TPTE2: variants seen among roughly 807,000 people sequenced by gnomAD.
TPTE2 encodes phosphatidylinositol 3,4,5-trisphosphate 3-phosphatase TPTE2.
Under a neutral mutation model 78.6 loss-of-function variants are expected in TPTE2, and 53 were observed. That is an observed-to-expected ratio of 0.67 (90% CI 0.54 to 0.85). The LOEUF is 0.85. TPTE2 is among the 40% of genes least tolerant of loss of function. The pLI, the probability that TPTE2 is intolerant of heterozygous loss-of-function variation, is 0.00. For missense variants in TPTE2, 461 were observed against 623.0 expected, an observed-to-expected ratio of 0.74 and a Z score of 2.77; for synonymous variants, 175 against 206.2, an observed-to-expected ratio of 0.85 and a Z score of 1.30.
chr13:19,536,980 T>C (rs543052700), upstream of TPTE2, among the ~76,000 whole-genome samples: 126 of 151,326 alleles, frequency 8.3e-4, 1 homozygote, highest in Non-Finnish European at 1.6e-3. Context: ...AATATAATTA[T>C]GTAATTCCAA....
chr13:19,447,886 C>T (rs548138564), intron 13 of TPTE2, among the ~76,000 whole-genome samples: 9 of 152,230 alleles, frequency 5.9e-5, no homozygotes, highest in Admixed American at 2.6e-4. Flanking sequence ...AAAATTCCAG[C>T]ATAATTTTTG....
At chr13:19,544,382 C>G in the TPTE2 span, among the ~76,000 whole-genome samples, 2 of 150,698 alleles carry the variant, frequency 1.3e-5, no homozygotes, top group African/African-American at 4.9e-5. Context: ...TCCAGGAGGT[C>G]AGAATGAATA....
chr13:19,540,280 C>CATT (rs141067657), upstream of TPTE2, among the ~76,000 whole-genome samples: 13,956 of 144,940 alleles, frequency 0.096, 783 homozygotes, highest in Non-Finnish European at 0.12. Context: ...AATTAAATCT[C>CATT]ATTATTATTA....
At chr13:19,504,871 T>A, upstream of TPTE2, among the ~76,000 whole-genome samples, 1 of 152,106 alleles carries the variant, frequency 6.6e-6, no homozygotes, top group Non-Finnish European at 1.5e-5. Flanking sequence ...TCTCTCCCTG[T>A]GTTTGTGTGT....
At chr13:19,541,206 A>C (rs1282740108), upstream of TPTE2, among the ~76,000 whole-genome samples, 1 of 152,200 alleles carries the variant, frequency 6.6e-6, no homozygotes, top group Non-Finnish European at 1.5e-5. Context: ...GCCTTCTTAC[A>C]ACATGATAGC....
chr13:19,430,527 C>CT lies in TPTE2; in HGVS notation c.1242dup (p.Val415SerfsTer24). The stretch of plus-strand genomic sequence containing the variant: ...ACCTTTTTCTCCATTACTACTTGGA[C>CT]TTTTAGATCACATACATCACCTGTT... On this transcript the variant is annotated frameshift_variant, in exon 17 of 20. Transcript: ENST00000400230. LOFTEE classifies it high-confidence loss of function. 1.2e-6 allele frequency: 2 copies of CT among 1,611,200 alleles called. No individual in the cohort carries two copies. The highest frequency in any genetic ancestry group is 1.7e-6 in the Non-Finnish European group (2 of 1,179,076).
intron 10 of TPTE2, among the ~76,000 whole-genome samples, chr13:19,453,071 A>G (rs1878295921): frequency 6.7e-6 from 1 of 150,268 alleles, no homozygotes; most frequent in South Asian, 2.1e-4. Flanking sequence ...CTTGTTGCCC[A>G]GGCTGGAGTG....
At chr13:19,498,161 T>A (rs1441979665) in intron 1 of TPTE2, among the ~76,000 whole-genome samples, 1 of 152,156 alleles carries the variant, frequency 6.6e-6, no homozygotes, top group Non-Finnish European at 1.5e-5. Context: ...AAAGACCAAA[T>A]CTACGTCTCA....
chr13:19,498,585 G>A (rs1335590589), intron 1 of TPTE2, among the ~76,000 whole-genome samples: 1 of 151,746 alleles, frequency 6.6e-6, no homozygotes, highest in African/African-American at 2.4e-5. Flanking sequence ...ATACTTTACA[G>A]ACAAGCAAAT....
the TPTE2 span, among the ~76,000 whole-genome samples, chr13:19,559,666 G>A: frequency 3.4e-4 from 52 of 151,500 alleles, no homozygotes; most frequent in South Asian, 3.8e-3. Flanking sequence ...TCACCCACTG[G>A]GAGACTGTGG....
At chr13:19,542,894 G>T in the TPTE2 span, among the ~76,000 whole-genome samples, 1 of 151,732 alleles carries the variant, frequency 6.6e-6, no homozygotes, top group Non-Finnish European at 1.5e-5. Flanking sequence ...GGAAGGCTGC[G>T]GTGGGAGAAT....
At chr13:19,528,029 C>A (rs1479552814) in intron 1 of TPTE2, among the ~76,000 whole-genome samples, 1 of 152,150 alleles carries the variant, frequency 6.6e-6, no homozygotes, top group Non-Finnish European at 1.5e-5. Context: ...AGTGTGGAAA[C>A]TGCAGTGTGG....
intron 1 of TPTE2, among the ~76,000 whole-genome samples, chr13:19,528,143 A>C (rs1870627872): frequency 6.6e-6 from 1 of 152,038 alleles, no homozygotes; most frequent in Non-Finnish European, 1.5e-5. Context: ...GCACTTTGGG[A>C]GGCTGAGGCA....
Position 19,449,969 on chromosome 13 carries a change from C to T in TPTE2, c.973+107G>A, listed in dbSNP as rs943819507. 8 of 1,154,542 alleles carry T rather than the reference C, an allele frequency of 6.9e-6. No individual in the cohort carries two copies. In the African/African-American group the frequency reaches 9.5e-5, roughly 14 times the overall value. The allele number at this position is 1,154,542 out of a possible 1,614,324, so 71.5% of individuals were successfully genotyped here. A position where few individuals can be genotyped will look rare whatever the true frequency, so the allele number is the denominator to read the frequency against. The stretch of plus-strand genomic sequence containing the variant: ...GTCTTGGAGCTAATATTTAAAAATG[C>T]TAACAATTATTAATACATATTAATA... On this transcript the variant is annotated intron_variant, in intron 13 of 19. Coordinates refer to ENST00000400230, the Ensembl canonical transcript of TPTE2.
chr13:19,492,396 A>C (rs1430601869), intron 3 of TPTE2, among the ~76,000 whole-genome samples: 3 of 152,098 alleles, frequency 2.0e-5, no homozygotes, highest in Admixed American at 2.0e-4. Context: ...CTGCTATCTC[A>C]TCCATGTTGC....
intron 6 of TPTE2, among the ~76,000 whole-genome samples, chr13:19,473,597 CTT>C (rs34210025): frequency 2.3e-5 from 3 of 129,100 alleles, no homozygotes; most frequent in Non-Finnish European, 3.1e-5. Context: ...TTTTAAAATG[CTT>C]TTTTTTTTTT....
intron 13 of TPTE2, among the ~76,000 whole-genome samples, chr13:19,443,295 C>G (rs1261625227): frequency 1.3e-5 from 2 of 148,556 alleles, no homozygotes; most frequent in Non-Finnish European, 3.0e-5. Flanking sequence ...ATTATCATCT[C>G]AAAGATTCAG....
intron 3 of TPTE2, among the ~76,000 whole-genome samples, chr13:19,489,152 A>T (rs539749807): frequency 6.6e-6 from 1 of 152,198 alleles, no homozygotes; most frequent in Non-Finnish European, 1.5e-5. Context: ...GTGTTGCCCC[A>T]AAACAATTAC....
At chr13:19,526,106 G>A (rs913839097) in intron 1 of TPTE2, among the ~76,000 whole-genome samples, 8 of 152,124 alleles carry the variant, frequency 5.3e-5, no homozygotes, top group Non-Finnish European at 1.2e-4. Context: ...AATTAGTTCA[G>A]CCATTATGGA....
Sources: gnomAD v4.1 joint callset for allele counts (sites outside exome capture counted in the v4.1 genomes callset) on GRCh38, gnomAD v4.1.1 for gene constraint, MANE v1.5 for transcripts, NCBI Gene and HGNC (gene_info 2026-07-23, HGNC 2026-07-21) for gene names.